The following DNAH1 variants were observed in gnomAD, a reference collection of about 807,000 sequenced individuals.
DNAH1 encodes the protein dynein axonemal heavy chain 1.
A neutral mutation model predicts 484.3 loss-of-function variants in DNAH1; 327 were observed. That is an observed-to-expected ratio of 0.68 (90% CI 0.62 to 0.74). The LOEUF is 0.74. Ranked by LOEUF, DNAH1 falls within the 30% of genes least tolerant of loss-of-function variation. The pLI is 0.00. For synonymous variants in DNAH1, 2,192 were observed against 2,191.9 expected, an observed-to-expected ratio of 1.00 and a Z score of 0.00; for missense variants, 5,052 against 5,546.8, an observed-to-expected ratio of 0.91 and a Z score of 2.83.
chr3:52,326,548 T>C (rs1255588997), intron 4 of DNAH1, among the ~76,000 whole-genome samples, 187 bp from the exon 5 acceptor site: 1 of 152,090 alleles, frequency 6.6e-6, no homozygotes, highest in Non-Finnish European at 1.5e-5. Context: ...AGAAGGGCAG[T>C]TGGAGCCCAG....
chr3:52,322,380 G>A, intron 1 of DNAH1, 29 bp from the exon 2 acceptor site: 1 of 1,504,710 alleles, frequency 6.6e-7, no homozygotes, highest in Non-Finnish European at 8.9e-7. Context: ...GGCTGGCAAG[G>A]GCTGACTGAC....
intron 1 of DNAH1, among the ~76,000 whole-genome samples, chr3:52,320,585 A>T (rs1337380961): frequency 6.6e-6 from 1 of 152,204 alleles, no homozygotes; most frequent in Non-Finnish European, 1.5e-5. Flanking sequence ...TCCTCAAGTC[A>T]GTGCAGGCAA....
At chr3:52,340,560 G>A (rs1034186084) in intron 8 of DNAH1, among the ~76,000 whole-genome samples, 2 of 151,696 alleles carry the variant, frequency 1.3e-5, no homozygotes, top group Admixed American at 1.3e-4. Context: ...TCAGCCTCCC[G>A]AGTAGCTGGG....
rs999878748 is a variant in DNAH1 at position 52,375,983 on chromosome 3, G to C, written c.7188G>C (p.Arg2396=). ...LDGLLGEKSY[R]ERVPGAPHIA... ...GACTCCTTGGAGAAAAAAGCTACCGGGAGCGTGTGCGTAAGTGTGGGCCTG... is the reference window on the plus strand; with the variant it reads ...GACTCCTTGGAGAAAAAAGCTACCGCGAGCGTGTGCGTAAGTGTGGGCCTG... The change falls in exon 46 of 78, where the codon CGG becomes CGC. Residue 2396 remains arginine, a synonymous_variant. Transcript: ENST00000420323. The C allele has an allele frequency of 6.8e-6, 11 of 1,612,174 alleles. No individual in the cohort carries two copies. The highest frequency in any genetic ancestry group is 1.6e-4 in the Middle Eastern group (1 of 6,076).
At chr3:52,375,888 C>T in intron 45 of DNAH1, 67 bp from the exon 46 acceptor site, 1 of 1,587,232 alleles carries the variant, frequency 6.3e-7, no homozygotes, top group Non-Finnish European at 8.6e-7. Context: ...ACCATCTCAC[C>T]TGGCCAGGGT....
intron 51 of DNAH1, 39 bp downstream of exon 51, chr3:52,383,633 A>G: frequency 6.6e-7 from 1 of 1,517,382 alleles, no homozygotes; most frequent in South Asian, 1.2e-5. Context: ...GGGGCAGCGG[A>G]GCTGGGTGTG....
chr3:52,343,856 G>GGAGTGAGTGAGC (rs911971246), intron 8 of DNAH1, among the ~76,000 whole-genome samples: 9 of 152,304 alleles, frequency 5.9e-5, no homozygotes, highest in Admixed American at 3.3e-4. Flanking sequence ...CGTGTGCTGA[G>GGAGTGAGTGAGC]GAGTGAGTGA....
intron 8 of DNAH1, among the ~76,000 whole-genome samples, chr3:52,334,144 G>C (rs887016595): frequency 1.3e-5 from 2 of 152,178 alleles, no homozygotes; most frequent in Non-Finnish European, 2.9e-5. Flanking sequence ...GCACACCCAG[G>C]ATATATGGTA....
Position 52,344,609 on chromosome 3 carries a change from C to T in DNAH1, c.1406C>T (p.Thr469Ile). The T allele has an allele frequency of 6.2e-7, 1 of 1,613,920 alleles. No individual in the cohort carries two copies. The highest frequency in any genetic ancestry group is 8.5e-7 in the Non-Finnish European group (1 of 1,179,850). The change falls in exon 9 of 78, where the codon ACC becomes ATC. Residue 469 changes from threonine (T) to isoleucine (I), a missense_variant. This residue lies in a region of DNAH1 where 1,263 missense variants were observed against 1,218.8 expected (regional missense o/e 1.04). Transcript: ENST00000420323. ...AAGCCCGAGACCTTCTCCTACGTCA[C>T]CCTCCCCAAGAAGGAGGAGGAGCAG... ...SSKPETFSYV[T>I]LPKKEEEQVP...
chr3:52,343,700 G>T (rs898716550), intron 8 of DNAH1, among the ~76,000 whole-genome samples: 1 of 152,136 alleles, frequency 6.6e-6, no homozygotes, highest in African/African-American at 2.4e-5. Context: ...GGACTATTCA[G>T]ATGTGGCAGA....
chr3:52,383,552 CAG>C lies in DNAH1; in HGVS notation c.8109_8110del (p.Gly2704AlafsTer39). 1.2e-6 allele frequency: 2 copies of C among 1,610,494 alleles called. No individual in the cohort carries two copies. Among genetic ancestry groups the C allele is most frequent in the South Asian group, 2.2e-5 (2 of 90,398 alleles). On this transcript the variant is annotated frameshift_variant, in exon 51 of 78. Coordinates refer to ENST00000420323, the MANE Select transcript of DNAH1 (RefSeq NM_015512.5). LOFTEE classifies it high-confidence loss of function. Reference sequence around the variant, plus strand: ...AAGGCCAACCTCATGGCTGCTTACACAGGGCGTGTGCGCAGCAACATCCACAT... The same window carrying C: ...AAGGCCAACCTCATGGCTGCTTACACGGCGTGTGCGCAGCAACATCCACAT...
chr3:52,398,740 A>G, intron 75 of DNAH1, 110 bp from the exon 76 acceptor site: 1 of 949,316 alleles, frequency 1.1e-6, no homozygotes, highest in South Asian at 1.9e-5. Context: ...CTCTGCTCTT[A>G]GCCTCTATGT....
chr3:52,323,536 G>A (rs751459011), intron 2 of DNAH1, among the ~76,000 whole-genome samples: 1 of 152,194 alleles, frequency 6.6e-6, no homozygotes, highest in African/African-American at 2.4e-5. Context: ...GCTCAGCCCC[G>A]GGATGCACTG....
At chr3:52,371,108 T>C (rs1318366142) in intron 41 of DNAH1, among the ~76,000 whole-genome samples, 1 of 152,210 alleles carries the variant, frequency 6.6e-6, no homozygotes, top group Non-Finnish European at 1.5e-5. Context: ...CTCTTCCACA[T>C]TGATGCGGAG....
Position 52,393,479 on chromosome 3 carries a change from C to A in DNAH1, c.10620C>A (p.Ile3540=). 1 of 1,613,972 alleles carries A rather than the reference C, an allele frequency of 6.2e-7. No individual in the cohort carries two copies. Among genetic ancestry groups the A allele is most frequent in the South Asian group, 1.1e-5 (1 of 91,072 alleles). ...CVRIMMNEGK[I]NQSEWRYLLS... ...GCATCATGATGAACGAGGGCAAAAT[C>A]AACCAGGTGCTGGCAGAGACACCCA... Residue 3540 remains isoleucine (I), a synonymous_variant, in exon 66 of 78, where the codon ATC becomes ATA. Coordinates refer to ENST00000420323, the MANE Select transcript of DNAH1 (RefSeq NM_015512.5).
At position 52,367,093 on chromosome 3, in the gene DNAH1, A is replaced by G. The variant is rs79779473; in HGVS notation, c.5765+206A>G. Among the ~76,000 whole-genome samples, 4,327 of 152,286 alleles carry G rather than the reference A, an allele frequency of 0.028. 238 individuals are homozygous for G. Among genetic ancestry groups the G allele is most frequent in the African/African-American group, 0.1 (4,133 of 41,536 alleles). ...GTTCCCTCGTCTGCAAAGCGGGGAC[A>G]ATAATGGCACCATGCTTATGGTAAG... On this transcript the variant is annotated intron_variant, in intron 36 of 77. Transcript: ENST00000420323.
chr3:52,377,680 G>T (rs1703661883), intron 46 of DNAH1, among the ~76,000 whole-genome samples: 1 of 151,974 alleles, frequency 6.6e-6, no homozygotes, highest in South Asian at 2.1e-4. Flanking sequence ...CCAGGCCTTT[G>T]CCCTTGCTGT....
intron 5 of DNAH1, 137 bp downstream of exon 5, chr3:52,327,028 A>G: frequency 8.4e-7 from 1 of 1,195,888 alleles, no homozygotes; most frequent in Non-Finnish European, 1.1e-6. Context: ...CAGGTCAACA[A>G]TAGGAACCCA....
intron 2 of DNAH1, 57 bp downstream of exon 2, chr3:52,322,832 C>T: frequency 7.0e-7 from 1 of 1,428,038 alleles, no homozygotes. Flanking sequence ...GCTCCGTTCA[C>T]CCATCCTTTC....
Sources: allele counts gnomAD v4.1 joint callset (sites outside exome capture counted in the v4.1 genomes callset), GRCh38; gene constraint gnomAD v4.1.1; regional missense constraint gnomAD v4.1.1; transcripts MANE v1.5; gene names NCBI Gene and HGNC (gene_info 2026-07-23, HGNC 2026-07-21).